Variants in WNT3A observed in about 807,000 individuals in gnomAD.
The protein encoded by WNT3A is Wnt family member 3A.
In WNT3A, 17 loss-of-function variants were observed where a neutral mutation model predicts 37.0. That is an observed-to-expected ratio of 0.46 (90% CI 0.31 to 0.69). The LOEUF (loss-of-function observed/expected upper bound fraction) is 0.69, where lower values mean the gene tolerates loss of function less well. Among genes scored for constraint, WNT3A ranks in the 30% least tolerant of loss-of-function variants. The pLI is 0.05. For missense variants in WNT3A, 411 were observed against 510.2 expected, an observed-to-expected ratio of 0.81 and a Z score of 1.87; for synonymous variants, 187 against 211.0, an observed-to-expected ratio of 0.89 and a Z score of 0.99.
At position 228,007,851 on chromosome 1, in the gene WNT3A, G is replaced by A. The variant is rs2030248416; in HGVS notation, c.71+652G>A. Among the ~76,000 whole-genome samples, 1 of 152,176 alleles carries A rather than the reference G, an allele frequency of 6.6e-6. No individual in the cohort carries two copies. The highest frequency in any genetic ancestry group is 6.5e-5 in the Admixed American group (1 of 15,284). On this transcript the variant is annotated intron_variant, in intron 1 of 3. Coordinates refer to ENST00000284523, the MANE Select transcript of WNT3A (RefSeq NM_033131.4). This position sits in a 1 kb window ranked among gnomAD's most constrained non-coding sequence, Gnocchi z 6.0. The stretch of plus-strand genomic sequence containing the variant: ...CCTCCGCATGGGTCCACCTGGCAAT[G>A]AGGGGCTGCTGTAGAGAGAGTTAAG...
intron 3 of WNT3A, among the ~76,000 whole-genome samples, chr1:228,057,104 G>A (rs1337153703): frequency 6.6e-6 from 1 of 152,206 alleles, no homozygotes; most frequent in Non-Finnish European, 1.5e-5. Flanking sequence ...ATTTGAGGCT[G>A]AATCAGTTAC....
In WNT3A at chr1:228,039,382, C is replaced by A. The variant is rs189533358; in HGVS notation, c.314-11274C>A. 3.8e-3 allele frequency among the ~76,000 whole-genome samples: 574 copies of A among 152,250 alleles called. No individual in the cohort carries two copies. Among genetic ancestry groups the A allele is most frequent in the Non-Finnish European group, 6.8e-3 (465 of 68,008 alleles). On this transcript the variant is annotated intron_variant, in intron 2 of 3. Transcript: ENST00000284523. This position sits in a 1 kb window ranked among gnomAD's most constrained non-coding sequence, Gnocchi z 4.1. ...AATCCCAGAGCCTGTGACCAAGGTA[C>A]CCACCTCCAGGAAGAGGCCAGGCCA... is the stretch of plus-strand genomic sequence containing the variant.
At chr1:228,010,217 C>CA (rs2030329885) in intron 1 of WNT3A, among the ~76,000 whole-genome samples, 1 of 152,238 alleles carries the variant, frequency 6.6e-6, no homozygotes, top group South Asian at 2.1e-4. Flanking sequence ...TCCCCAGGCA[C>CA]ACCCGCACTC....
At chr1:228,032,698 C>A (rs2031038759) in intron 2 of WNT3A, among the ~76,000 whole-genome samples, 1 of 152,182 alleles carries the variant, frequency 6.6e-6, no homozygotes, top group Non-Finnish European at 1.5e-5. Flanking sequence ...TACCTAGGAG[C>A]AGAATTGGGT....
At chr1:228,034,278 A>T (rs1478393108) in intron 2 of WNT3A, among the ~76,000 whole-genome samples, 1 of 152,152 alleles carries the variant, frequency 6.6e-6, no homozygotes, top group Non-Finnish European at 1.5e-5. Flanking sequence ...ACACACACAC[A>T]TACGCACACA....
intron 2 of WNT3A, among the ~76,000 whole-genome samples, chr1:228,033,853 A>G (rs2031072850): frequency 6.6e-6 from 1 of 152,186 alleles, no homozygotes; most frequent in South Asian, 2.1e-4. Flanking sequence ...CAGCATACAA[A>G]TCTTGCACTT....
At position 228,042,047 on chromosome 1, in the gene WNT3A, C is replaced by T. The variant is rs1312249071; in HGVS notation, c.314-8609C>T. ...AGGCTGGAGTGCAGTGGTGTGACCT[C>T]GGCTCACTGCAACCTCCGCCTCCCG... On this transcript the variant is annotated intron_variant, in intron 2 of 3. Coordinates refer to ENST00000284523, the MANE Select transcript of WNT3A (RefSeq NM_033131.4). This position sits in a 1 kb window ranked among gnomAD's most constrained non-coding sequence, Gnocchi z 5.2. Among the ~76,000 whole-genome samples the T allele has an allele frequency of 3.3e-5, 5 of 152,094 alleles. No individual in the cohort carries two copies.
chr1:228,045,472 A>G (rs1455092326), intron 2 of WNT3A, among the ~76,000 whole-genome samples: 1 of 152,180 alleles, frequency 6.6e-6, no homozygotes, highest in Non-Finnish European at 1.5e-5. Context: ...CTAGAAGGGA[A>G]GCAGGGCAGA....
At chr1:228,014,103 G>A (rs1425312393) in intron 1 of WNT3A, among the ~76,000 whole-genome samples, 1 of 152,180 alleles carries the variant, frequency 6.6e-6, no homozygotes, top group Non-Finnish European at 1.5e-5. Context: ...GCAGGTCCGC[G>A]AGTGGGGTGC....
At position 228,039,461 on chromosome 1, in the gene WNT3A, G is replaced by T. The variant is rs1317226770; in HGVS notation, c.314-11195G>T. On this transcript the variant is annotated intron_variant, in intron 2 of 3. Coordinates refer to ENST00000284523, the MANE Select transcript of WNT3A (RefSeq NM_033131.4). The surrounding 1 kb of genome is among the most constrained non-coding windows in gnomAD (Gnocchi z 4.1). ...GGGGGATGGCCATCAGCATATCAGA[G>T]ACACCCTCCCAACCCCCTTCTCCTG... is the stretch of plus-strand genomic sequence containing the variant. Among the ~76,000 whole-genome samples, 1 of 152,158 alleles carries T rather than the reference G, an allele frequency of 6.6e-6. No homozygotes were observed. Among genetic ancestry groups the T allele is most frequent in the East Asian group, 1.9e-4 (1 of 5,190 alleles).
chr1:228,051,949 C>T (rs1438819606), intron 3 of WNT3A, among the ~76,000 whole-genome samples: 1 of 152,172 alleles, frequency 6.6e-6, no homozygotes, highest in Non-Finnish European at 1.5e-5. Context: ...ACAAGCCATT[C>T]ATGAGGGATC....
Position 228,027,817 on chromosome 1 carries a change from T to A in WNT3A, c.313+4909T>A, listed in dbSNP as rs560980115. On this transcript the variant is annotated intron_variant, in intron 2 of 3. Transcript: ENST00000284523. Reference sequence around the variant, plus strand: ...TTTATTTTTGTTTTTGTTGCATTTGTTTTGGGGCTGTTAGTCATGAATTAT... The same window carrying A: ...TTTATTTTTGTTTTTGTTGCATTTGATTTGGGGCTGTTAGTCATGAATTAT... Among the ~76,000 whole-genome samples, 10 of 152,330 alleles carry A rather than the reference T, an allele frequency of 6.6e-5. No individual in the cohort carries two copies. The South Asian group carries it at 1.9e-3, about 28-fold the overall frequency.
intron 1 of WNT3A, among the ~76,000 whole-genome samples, chr1:228,009,750 CT>C (rs1322331791): frequency 6.6e-6 from 1 of 152,214 alleles, no homozygotes; most frequent in Admixed American, 6.5e-5. Flanking sequence ...GGTAATTAGG[CT>C]TTTGAAGTTG....
Position 228,050,479 on chromosome 1 carries a change from G to C in WNT3A, c.314-177G>C, listed in dbSNP as rs1453680589. Reference sequence around the variant, plus strand: ...AGGCCCTTGCCAGAGGCAGTTGCTGGAGCCATGCTTCTGTGTAGCCTGTAG... The same window carrying C: ...AGGCCCTTGCCAGAGGCAGTTGCTGCAGCCATGCTTCTGTGTAGCCTGTAG... On this transcript the variant is annotated intron_variant, in intron 2 of 3. Coordinates refer to ENST00000284523, the MANE Select transcript of WNT3A (RefSeq NM_033131.4). This position sits in a 1 kb window ranked among gnomAD's most constrained non-coding sequence, Gnocchi z 5.0. Among the ~76,000 whole-genome samples, 1 of 152,206 alleles carries C rather than the reference G, an allele frequency of 6.6e-6. No individual in the cohort carries two copies. Among genetic ancestry groups the C allele is most frequent in the Non-Finnish European group, 1.5e-5 (1 of 68,032 alleles).
chr1:228,012,063 G>A (rs573870781), intron 1 of WNT3A, among the ~76,000 whole-genome samples: 3 of 152,340 alleles, frequency 2.0e-5, no homozygotes, highest in Non-Finnish European at 2.9e-5. Flanking sequence ...TGTTTGCTTC[G>A]CATAAGCCTC....
chr1:228,057,576 C>G (rs913700487), intron 3 of WNT3A, among the ~76,000 whole-genome samples: 1 of 152,102 alleles, frequency 6.6e-6, no homozygotes, highest in African/African-American at 2.4e-5. Flanking sequence ...ATATGTTACT[C>G]TACAGATGCC....
rs115017967 is a variant in WNT3A at position 228,060,509 on chromosome 1, A to C, written c.*1044A>C. 94 of 345,152 alleles carry C rather than the reference A, an allele frequency of 2.7e-4. No homozygotes were observed. The highest frequency in any genetic ancestry group is 2.0e-3 in the African/African-American group (91 of 46,504). The allele number at this position is 345,152 out of a possible 1,614,324, so 21.4% of individuals were successfully genotyped here. A position where few individuals can be genotyped will look rare whatever the true frequency, so the allele number is the denominator to read the frequency against. The stretch of plus-strand genomic sequence containing the variant: ...CCCCAAGACCAAGCTTAGTCCTGGG[A>C]GAGGACAGGGACTTCGCAGAGGCAA... On this transcript the variant is annotated 3_prime_UTR_variant, in exon 4 of 4. Coordinates refer to ENST00000284523, the MANE Select transcript of WNT3A (RefSeq NM_033131.4).
intron 1 of WNT3A, 82 bp from the exon 2 acceptor site, chr1:228,022,585 C>T: frequency 6.7e-7 from 1 of 1,497,640 alleles, no homozygotes; most frequent in Non-Finnish European, 9.0e-7. Context: ...GCACTTGAGG[C>T]CCCAGAGCAA....
At chr1:228,040,047 G>A (rs1291859980) in intron 2 of WNT3A, among the ~76,000 whole-genome samples, 1 of 152,144 alleles carries the variant, frequency 6.6e-6, no homozygotes, top group Non-Finnish European at 1.5e-5. Flanking sequence ...CCACAGATAG[G>A]CATGTCCCCC....
Sources: allele counts gnomAD v4.1 joint callset (sites outside exome capture counted in the v4.1 genomes callset), GRCh38; gene constraint gnomAD v4.1.1; non-coding constraint Gnocchi (gnomAD v3.1); transcripts MANE v1.5; gene names NCBI Gene and HGNC (gene_info 2026-07-23, HGNC 2026-07-21).